FAM114A1: variants seen among roughly 807,000 people sequenced by gnomAD.
FAM114A1 encodes the protein family with sequence similarity 114 member A1.
Under a neutral mutation model 64.3 loss-of-function variants are expected in FAM114A1, and 62 were observed. The observed-to-expected ratio is 0.96, with a 90% CI of 0.79 to 1.19. FAM114A1 has a LOEUF of 1.19. Among genes scored for constraint, FAM114A1 ranks in the 50% most tolerant of loss-of-function variants. The pLI is 0.00. For missense variants in FAM114A1, 645 were observed against 676.3 expected (o/e 0.95, Z 0.51); for synonymous variants, 254 against 251.1 (o/e 1.01, Z -0.11).
intron 4 of FAM114A1, among the ~76,000 whole-genome samples, chr4:38,904,068 G>A (rs973569450): frequency 6.6e-5 from 10 of 152,180 alleles, no homozygotes; most frequent in African/African-American, 2.4e-4. Flanking sequence ...CTAAGACTAG[G>A]TGGTTCTAGT....
chr4:38,890,972 C>T (rs563139025), intron 3 of FAM114A1, among the ~76,000 whole-genome samples: 1 of 152,344 alleles, frequency 6.6e-6, no homozygotes, highest in Admixed American at 6.5e-5. Flanking sequence ...AGTCTCCATT[C>T]TGCTCACTCT....
At chr4:38,889,577 A>G (rs1452680529) in intron 3 of FAM114A1, among the ~76,000 whole-genome samples, 5 of 152,166 alleles carry the variant, frequency 3.3e-5, no homozygotes. Context: ...ATTGGTTCCT[A>G]TACTTATGGC....
intron 14 of FAM114A1, among the ~76,000 whole-genome samples, chr4:38,942,058 C>T (rs1011775917): frequency 6.6e-6 from 1 of 152,080 alleles, no homozygotes; most frequent in Non-Finnish European, 1.5e-5. Context: ...AGAGAAACTC[C>T]CTGTTATAAA....
At chr4:38,931,870 G>A (rs763991861) in intron 11 of FAM114A1, among the ~76,000 whole-genome samples, 5 of 152,162 alleles carry the variant, frequency 3.3e-5, no homozygotes, top group Non-Finnish European at 7.3e-5. Context: ...TATGAGAATT[G>A]CTTAAACCTG....
At chr4:38,896,316 G>T (rs1416587926) in intron 4 of FAM114A1, among the ~76,000 whole-genome samples, 2 of 152,290 alleles carry the variant, frequency 1.3e-5, no homozygotes, top group East Asian at 1.9e-4. Flanking sequence ...TGCCTAAATT[G>T]CTCTTACTGC....
intron 3 of FAM114A1, among the ~76,000 whole-genome samples, chr4:38,887,028 G>C (rs926247367): frequency 2.0e-5 from 3 of 152,154 alleles, no homozygotes; most frequent in Non-Finnish European, 4.4e-5. Context: ...TAACCAGATC[G>C]GGAGATGTGT....
chr4:38,877,788 A>G (rs1230353949), intron 2 of FAM114A1, among the ~76,000 whole-genome samples: 1 of 152,050 alleles, frequency 6.6e-6, no homozygotes, highest in East Asian at 1.9e-4. Flanking sequence ...AACATGGAAA[A>G]ACCCCGTTTC....
intron 9 of FAM114A1, among the ~76,000 whole-genome samples, chr4:38,923,660 A>G (rs1719843396): frequency 6.6e-6 from 1 of 152,108 alleles, no homozygotes; most frequent in African/African-American, 2.4e-5. Flanking sequence ...GTTCGGGTAT[A>G]TTTGCAGGTG....
At chr4:38,914,167 C>T (rs986921810) in intron 7 of FAM114A1, among the ~76,000 whole-genome samples, 7 of 152,008 alleles carry the variant, frequency 4.6e-5, no homozygotes, top group African/African-American at 1.4e-4. Context: ...TCTGCTTTGA[C>T]GTCTGTGTAG....
chr4:38,914,952 A>C lies in FAM114A1; in HGVS notation c.824A>C (p.Gln275Pro), dbSNP rs754363682. The C allele has an allele frequency of 9.9e-6, 16 of 1,614,140 alleles. No homozygotes were observed. Among genetic ancestry groups the C allele is most frequent in the Non-Finnish European group, 9.3e-6 (11 of 1,180,010 alleles). ...MLREAKEKEK[Q>P]RLAQQLTMER... ...AGGGAAGCTAAGGAGAAGGAGAAGC[A>C]GAGACTGGCACAGCAGCTCACGATG... is the stretch of plus-strand genomic sequence containing the variant. The change falls in exon 8 of 15, where the codon CAG becomes CCG. Residue 275 changes from glutamine to proline, a missense_variant. Gln to Pro is a moderately conservative substitution (Grantham distance 76). Transcript: ENST00000358869.
At chr4:38,873,046 A>G (rs780421309) in intron 2 of FAM114A1, among the ~76,000 whole-genome samples, 7 of 152,186 alleles carry the variant, frequency 4.6e-5, no homozygotes, top group Admixed American at 1.3e-4. Flanking sequence ...CTCACCTCCC[A>G]TAAACCACCC....
chr4:38,919,696 T>C (rs1719406603), intron 8 of FAM114A1, among the ~76,000 whole-genome samples: 1 of 152,114 alleles, frequency 6.6e-6, no homozygotes, highest in Non-Finnish European at 1.5e-5. Context: ...AGAGAGAGTG[T>C]AGAGAGGACA....
At chr4:38,918,113 A>G (rs1202581973) in intron 8 of FAM114A1, among the ~76,000 whole-genome samples, 7 of 152,104 alleles carry the variant, frequency 4.6e-5, no homozygotes, top group Middle Eastern at 6.8e-3. Context: ...AATCCCAGCT[A>G]TTCGGGAGGC....
intron 1 of FAM114A1, 198 bp from the exon 2 acceptor site, chr4:38,868,200 A>G: frequency 5.3e-6 from 1 of 189,470 alleles, no homozygotes; most frequent in Non-Finnish European, 1.2e-5. Flanking sequence ...TCCTGGCACC[A>G]AGCAAGTCTG....
intron 2 of FAM114A1, among the ~76,000 whole-genome samples, chr4:38,877,040 G>GTAA (rs1714713126): frequency 1.3e-5 from 2 of 152,078 alleles, no homozygotes; most frequent in South Asian, 4.2e-4. Flanking sequence ...CATCTGCAAG[G>GTAA]TCCCTTTTGT....
intron 7 of FAM114A1, among the ~76,000 whole-genome samples, chr4:38,913,896 G>A (rs1191180525): frequency 4.0e-5 from 6 of 150,996 alleles, no homozygotes; most frequent in East Asian, 2.0e-4. Flanking sequence ...TCAGGAGTTC[G>A]AGACCAGCCT....
intron 10 of FAM114A1, among the ~76,000 whole-genome samples, chr4:38,931,113 T>C (rs1720590338): frequency 6.6e-6 from 1 of 152,216 alleles, no homozygotes; most frequent in African/African-American, 2.4e-5. Flanking sequence ...CTTTTATAGA[T>C]GGTCATGAAA....
chr4:38,878,939 T>G (rs1714942625), intron 3 of FAM114A1, among the ~76,000 whole-genome samples: 1 of 152,202 alleles, frequency 6.6e-6, no homozygotes, highest in Non-Finnish European at 1.5e-5. Context: ...AGTGGAGATC[T>G]TCAGCCTTCA....
intron 2 of FAM114A1, among the ~76,000 whole-genome samples, chr4:38,872,209 G>A (rs1714145094): frequency 6.6e-6 from 1 of 152,174 alleles, no homozygotes; most frequent in African/African-American, 2.4e-5. Context: ...GCTTACTAAA[G>A]ACCCCTGGAT....
Sources: gnomAD v4.1 joint callset for allele counts (sites outside exome capture counted in the v4.1 genomes callset) on GRCh38, gnomAD v4.1.1 for gene constraint, MANE v1.5 for transcripts, NCBI Gene and HGNC (gene_info 2026-07-23, HGNC 2026-07-21) for gene names.